Variants in TTC28 observed in about 807,000 individuals in gnomAD.
TTC28 encodes the protein tetratricopeptide repeat protein 28.
TTC28 carries 61 observed loss-of-function variants against 198.0 expected under a neutral mutation model. That is an observed-to-expected ratio of 0.31 (90% CI 0.25 to 0.38). The LOEUF (loss-of-function observed/expected upper bound fraction) is 0.38. Ranked by LOEUF, TTC28 falls within the 10% of genes least tolerant of loss-of-function variation. The pLI is 1.00. For synonymous variants in TTC28, 1,171 were observed against 1,297.8 expected, an observed-to-expected ratio of 0.90 and a Z score of 2.10; for missense variants, 2,678 against 3,164.0, an observed-to-expected ratio of 0.85 and a Z score of 3.69.
At chr22:28,670,970 A>T (rs1439374969) in intron 1 of TTC28, among the ~76,000 whole-genome samples, 1 of 151,856 alleles carries the variant, frequency 6.6e-6, no homozygotes, top group Non-Finnish European at 1.5e-5. Context: ...ATACCTTTTC[A>T]TGTTATTGGC....
intron 5 of TTC28, among the ~76,000 whole-genome samples, chr22:28,175,778 T>C (rs1369368319): frequency 3.3e-5 from 5 of 151,848 alleles, no homozygotes; most frequent in Non-Finnish European, 7.4e-5. Flanking sequence ...TACACATTTC[T>C]CAAAAGAAGA....
At position 28,366,454 on chromosome 22, in the gene TTC28, A is replaced by G. The variant is rs188614465; in HGVS notation, c.382-59811T>C. ...ATAATCCTTGTCCCTACTTTCTTAG[A>G]TCATAGCGGTTAGGAAAAAAAAGAT... On this transcript the variant is annotated intron_variant, in intron 2 of 22. Coordinates refer to ENST00000397906, the MANE Select transcript of TTC28 (RefSeq NM_001145418.2). Among the ~76,000 whole-genome samples, 5 of 152,258 alleles carry G rather than the reference A, an allele frequency of 3.3e-5. No homozygotes were observed. In the East Asian group the frequency reaches 9.6e-4, roughly 29 times the overall value.
chr22:28,130,066 T>G (rs1464808022), intron 6 of TTC28, among the ~76,000 whole-genome samples: 2 of 152,216 alleles, frequency 1.3e-5, no homozygotes, highest in Admixed American at 1.3e-4. Flanking sequence ...TGTTTAATCT[T>G]CTGTTTATGA....
intron 2 of TTC28, among the ~76,000 whole-genome samples, chr22:28,470,231 G>A (rs1304542173): frequency 6.6e-6 from 1 of 152,178 alleles, no homozygotes; most frequent in African/African-American, 2.4e-5. Flanking sequence ...CTAATATAGA[G>A]ACAATGTGGC....
chr22:28,276,187 AT>A (rs1199367664), intron 5 of TTC28, among the ~76,000 whole-genome samples: 2 of 151,546 alleles, frequency 1.3e-5, no homozygotes, highest in African/African-American at 4.9e-5. Context: ...AATTTTGTGT[AT>A]TTTTTGTAGA....
chr22:28,157,363 A>G (rs1943772428), intron 6 of TTC28, among the ~76,000 whole-genome samples: 1 of 152,192 alleles, frequency 6.6e-6, no homozygotes, highest in Non-Finnish European at 1.5e-5. Context: ...ATGAATTCTA[A>G]CATTTAAAGA....
intron 2 of TTC28, among the ~76,000 whole-genome samples, chr22:28,499,725 T>G (rs1409004689): frequency 1.3e-5 from 2 of 152,196 alleles, no homozygotes; most frequent in Admixed American, 6.5e-5. Context: ...TAAGATAGCA[T>G]AGACTGCAGG....
chr22:28,493,115 G>C (rs1247160414), intron 2 of TTC28, among the ~76,000 whole-genome samples: 1 of 151,508 alleles, frequency 6.6e-6, no homozygotes. Context: ...TCAACACTTT[G>C]GAGGCGAAGG....
intron 5 of TTC28, among the ~76,000 whole-genome samples, chr22:28,234,228 G>A (rs1929059904): frequency 6.6e-6 from 1 of 151,890 alleles, no homozygotes; most frequent in Non-Finnish European, 1.5e-5. Flanking sequence ...TTTTAGTAGA[G>A]ATGGGGTTTC....
At chr22:28,175,150 A>T (rs1366618542) in intron 5 of TTC28, among the ~76,000 whole-genome samples, 3 of 152,210 alleles carry the variant, frequency 2.0e-5, no homozygotes, top group Non-Finnish European at 4.4e-5. Flanking sequence ...AAAACCTGAA[A>T]CTATGACACT....
At chr22:28,208,587 T>C (rs996462619) in intron 5 of TTC28, among the ~76,000 whole-genome samples, 9 of 152,204 alleles carry the variant, frequency 5.9e-5, no homozygotes. Context: ...ATCTACCCTA[T>C]GGCTTACCAG....
intron 2 of TTC28, among the ~76,000 whole-genome samples, chr22:28,320,727 A>C (rs1188829304): frequency 6.6e-6 from 1 of 152,214 alleles, no homozygotes; most frequent in African/African-American, 2.4e-5. Flanking sequence ...AATCTAAGAG[A>C]GAGAAACAAT....
At chr22:28,032,991 C>G (rs932085226) in intron 12 of TTC28, among the ~76,000 whole-genome samples, 2 of 152,156 alleles carry the variant, frequency 1.3e-5, no homozygotes, top group Non-Finnish European at 2.9e-5. Context: ...TCACAGAGAC[C>G]CTGGTAAATA....
At chr22:28,584,659 C>A (rs2050285898) in intron 2 of TTC28, among the ~76,000 whole-genome samples, 1 of 152,172 alleles carries the variant, frequency 6.6e-6, no homozygotes, top group Non-Finnish European at 1.5e-5. Flanking sequence ...CCACATATAT[C>A]TAGCACCTAC....
intron 12 of TTC28, among the ~76,000 whole-genome samples, chr22:28,086,958 C>T (rs565971020): frequency 1.3e-5 from 2 of 152,042 alleles, no homozygotes; most frequent in Non-Finnish European, 1.5e-5. Flanking sequence ...AAGACTAAAC[C>T]AGGAAGAAGT....
At chr22:28,442,988 A>T (rs1208734591) in intron 2 of TTC28, 1 of 152,394 alleles carries the variant, frequency 6.6e-6, no homozygotes, top group African/African-American at 2.4e-5. Context: ...CGACGACTGC[A>T]AGTCATGCTG....
At chr22:28,411,664 T>A (rs2047083308) in intron 2 of TTC28, among the ~76,000 whole-genome samples, 1 of 152,240 alleles carries the variant, frequency 6.6e-6, no homozygotes, top group Non-Finnish European at 1.5e-5. Flanking sequence ...TAATAGCTTT[T>A]ACTATTGATG....
chr22:28,136,976 A>T (rs900924869), intron 6 of TTC28, among the ~76,000 whole-genome samples: 1 of 152,212 alleles, frequency 6.6e-6, no homozygotes, highest in African/African-American at 2.4e-5. Context: ...GAAAACAAGT[A>T]TAAAACTACT....
chr22:28,142,286 T>C (rs74839898), intron 6 of TTC28, among the ~76,000 whole-genome samples: 99 of 152,328 alleles, frequency 6.5e-4, no homozygotes, highest in African/African-American at 2.3e-3. Context: ...ACAAATCGAA[T>C]ACTCAACAAT....
Sources: allele counts gnomAD v4.1 joint callset (sites outside exome capture counted in the v4.1 genomes callset), GRCh38; gene constraint gnomAD v4.1.1; transcripts MANE v1.5; gene names NCBI Gene and HGNC (gene_info 2026-07-23, HGNC 2026-07-21).